SORCS3: variants seen among roughly 807,000 people sequenced by gnomAD.
SORCS3 encodes sortilin related VPS10 domain containing receptor 3.
Under a neutral mutation model 146.3 loss-of-function variants are expected in SORCS3, and 57 were observed. The ratio of observed to expected loss-of-function variants is 0.39; its 90% CI spans 0.31 to 0.49. The LOEUF is 0.49. Among genes scored for constraint, SORCS3 ranks in the 20% least tolerant of loss-of-function variants. SORCS3 has a pLI of 0.92. For missense variants in SORCS3, 1,341 were observed against 1,575.5 expected (o/e 0.85, Z 2.52); for synonymous variants, 653 against 618.5 (o/e 1.06, Z -0.83).
chr10:105,127,336 G>C (rs1202751155), intron 7 of SORCS3, among the ~76,000 whole-genome samples: 2 of 152,042 alleles, frequency 1.3e-5, no homozygotes, highest in Non-Finnish European at 2.9e-5. Flanking sequence ...TCTTTTCTTT[G>C]TATTTTACTT....
chr10:104,675,750 T>C (rs1351218626), intron 1 of SORCS3, among the ~76,000 whole-genome samples: 1 of 152,226 alleles, frequency 6.6e-6, no homozygotes, highest in Non-Finnish European at 1.5e-5. Flanking sequence ...TCACACTGTG[T>C]CAATACTGTA....
intron 3 of SORCS3, among the ~76,000 whole-genome samples, chr10:104,939,165 G>A (rs1460625089): frequency 6.6e-6 from 1 of 152,214 alleles, no homozygotes; most frequent in African/African-American, 2.4e-5. Context: ...CTGGCTGGAG[G>A]AGACGAGGAA....
chr10:105,012,835 TA>T (rs1290344802), intron 4 of SORCS3, among the ~76,000 whole-genome samples: 1 of 152,168 alleles, frequency 6.6e-6, no homozygotes, highest in African/African-American at 2.4e-5. Context: ...GAAAGACGAT[TA>T]AAATCTTGGG....
intron 5 of SORCS3, among the ~76,000 whole-genome samples, chr10:105,088,560 T>C (rs573005256): frequency 6.6e-6 from 1 of 152,096 alleles, no homozygotes; most frequent in South Asian, 2.1e-4. Context: ...ATTTTAGTTT[T>C]TCTAAAACAT....
intron 1 of SORCS3, among the ~76,000 whole-genome samples, chr10:104,753,510 G>A (rs1020294441): frequency 2.6e-5 from 4 of 152,186 alleles, no homozygotes; most frequent in Non-Finnish European, 5.9e-5. Flanking sequence ...AGGAAGAACA[G>A]GAAGAGTGTT....
intron 5 of SORCS3, among the ~76,000 whole-genome samples, chr10:105,087,692 C>T (rs2055672685): frequency 6.6e-6 from 1 of 151,998 alleles, no homozygotes; most frequent in Non-Finnish European, 1.5e-5. Context: ...CACATAGGTC[C>T]CAATGGTTCA....
intron 1 of SORCS3, among the ~76,000 whole-genome samples, chr10:104,779,982 G>A (rs926743430): frequency 6.6e-5 from 10 of 152,140 alleles, no homozygotes; most frequent in Non-Finnish European, 1.3e-4. Context: ...GGCTTGACAT[G>A]TGAATTAGCC....
At chr10:104,924,006 G>C (rs2019113725) in intron 3 of SORCS3, among the ~76,000 whole-genome samples, 1 of 152,162 alleles carries the variant, frequency 6.6e-6, no homozygotes, top group Non-Finnish European at 1.5e-5. Flanking sequence ...ACTCTATGAT[G>C]TTGGCACGAT....
At chr10:104,725,137 T>C (rs2016609842) in intron 1 of SORCS3, among the ~76,000 whole-genome samples, 1 of 152,204 alleles carries the variant, frequency 6.6e-6, no homozygotes, top group Non-Finnish European at 1.5e-5. Context: ...ATGATGGTGA[T>C]GTACAGATGG....
chr10:104,921,483 A>G (rs2019086026), intron 3 of SORCS3, among the ~76,000 whole-genome samples: 1 of 138,966 alleles, frequency 7.2e-6, no homozygotes, highest in Admixed American at 6.9e-5. Flanking sequence ...TTAGAGGTAC[A>G]TGTCTCTCTC....
chr10:105,211,512 C>A (rs1451203806), intron 17 of SORCS3, among the ~76,000 whole-genome samples: 1 of 152,130 alleles, frequency 6.6e-6, no homozygotes, highest in Non-Finnish European at 1.5e-5. Flanking sequence ...GTTAATCCTT[C>A]TCTTCTGGAA....
At chr10:104,827,586 A>C (rs2017952034) in intron 1 of SORCS3, among the ~76,000 whole-genome samples, 1 of 152,080 alleles carries the variant, frequency 6.6e-6, no homozygotes, top group South Asian at 2.1e-4. Flanking sequence ...CAAGCAGAGG[A>C]GATTGAGCAT....
chr10:104,763,423 G>C (rs147335482), intron 1 of SORCS3, among the ~76,000 whole-genome samples: 26 of 152,310 alleles, frequency 1.7e-4, no homozygotes, highest in Admixed American at 1.2e-3. Flanking sequence ...TCTTTTTGCA[G>C]ATTGAATCAT....
chr10:105,024,300 C>CT (rs1478592029), intron 4 of SORCS3, among the ~76,000 whole-genome samples: 2 of 151,926 alleles, frequency 1.3e-5, no homozygotes, highest in Admixed American at 6.6e-5. Flanking sequence ...GTGGCACACT[C>CT]TTTTTTTTGT....
intron 1 of SORCS3, among the ~76,000 whole-genome samples, chr10:104,776,049 G>A (rs993204476): frequency 1.3e-5 from 2 of 152,182 alleles, no homozygotes; most frequent in Admixed American, 6.5e-5. Context: ...GAAGATTCCA[G>A]TGTGACTGGG....
chr10:105,052,149 T>C (rs556541435), intron 5 of SORCS3, among the ~76,000 whole-genome samples: 24 of 152,254 alleles, frequency 1.6e-4, no homozygotes, highest in Non-Finnish European at 2.8e-4. Context: ...GTAGGAGGCA[T>C]ATGTAGCTAA....
chr10:105,166,367 C>A (rs2056312926), intron 12 of SORCS3, among the ~76,000 whole-genome samples: 1 of 152,148 alleles, frequency 6.6e-6, no homozygotes, highest in Non-Finnish European at 1.5e-5. Flanking sequence ...TGTAGGAATT[C>A]TCCAAGCATA....
At chr10:105,145,982 C>T (rs1259478380) in intron 8 of SORCS3, among the ~76,000 whole-genome samples, 2 of 151,980 alleles carry the variant, frequency 1.3e-5, no homozygotes, top group South Asian at 2.1e-4. Context: ...TTACTTGAAA[C>T]GGTTTCTAGG....
chr10:105,066,738 C>T (rs1385878915), intron 5 of SORCS3, among the ~76,000 whole-genome samples: 2 of 152,006 alleles, frequency 1.3e-5, no homozygotes, highest in Non-Finnish European at 2.9e-5. Context: ...AATTGGCTTC[C>T]CCTCCTATTC....
Sources: gnomAD v4.1 joint callset for allele counts (sites outside exome capture counted in the v4.1 genomes callset) on GRCh38, gnomAD v4.1.1 for gene constraint, MANE v1.5 for transcripts, NCBI Gene and HGNC (gene_info 2026-07-23, HGNC 2026-07-21) for gene names.